TRIM69: variants seen among roughly 807,000 people sequenced by gnomAD.
TRIM69 encodes the protein tripartite motif containing 69, also known as E3 ubiquitin-protein ligase TRIM69.
Under a neutral mutation model 37.7 loss-of-function variants are expected in TRIM69, and 29 were observed. That is an observed-to-expected ratio of 0.77 (90% CI 0.57 to 1.05). The LOEUF (loss-of-function observed/expected upper bound fraction) is 1.05. Among genes scored for constraint, TRIM69 ranks in the 50% least tolerant of loss-of-function variants. TRIM69 has a pLI of 0.00. For synonymous variants in TRIM69, 209 were observed against 212.4 expected (o/e 0.98, Z 0.14); for missense variants, 596 against 579.9 (o/e 1.03, Z -0.28).
chr15:44,741,838 CA>C (rs1303075807), intron 1 of TRIM69, among the ~76,000 whole-genome samples: 2 of 151,224 alleles, frequency 1.3e-5, no homozygotes, highest in East Asian at 3.9e-4. Context: ...GCTTACCAAC[CA>C]AAAAGAGTCC....
At position 44,758,673 on chromosome 15, in the gene TRIM69, A is replaced by T. The variant is rs781021307; in HGVS notation, c.632A>T (p.His211Leu). Residue 211 changes from histidine (H) to leucine (L), a missense_variant, in exon 4 of 7, where the codon CAT becomes CTT. Physicochemically the swap from His to Leu is moderately conservative, Grantham distance 99. Transcript: ENST00000329464. ...QHVSMEFLKL[H>L]QFLHSKEKDI... ...GTGTCCATGGAGTTTCTAAAGCTGC[A>T]TCAGTTCCTGCACAGCAAAGAAAAG... 1 of 1,614,194 alleles carries T rather than the reference A, an allele frequency of 6.2e-7. No individual in the cohort carries two copies. Among genetic ancestry groups the T allele is most frequent in the South Asian group, 1.1e-5 (1 of 91,078 alleles).
intron 1 of TRIM69, among the ~76,000 whole-genome samples, chr15:44,741,288 A>G (rs1323371313): frequency 1.3e-5 from 2 of 152,304 alleles, no homozygotes; most frequent in East Asian, 3.9e-4. Flanking sequence ...GACACAACAT[A>G]CCAGAATCTC....
chr15:44,765,038 A>G (rs750337722), intron 6 of TRIM69, among the ~76,000 whole-genome samples: 1 of 152,242 alleles, frequency 6.6e-6, no homozygotes, highest in Non-Finnish European at 1.5e-5. Flanking sequence ...GATCTCATTC[A>G]TGATATGTGT....
intron 6 of TRIM69, among the ~76,000 whole-genome samples, chr15:44,766,549 T>C (rs527320294): frequency 6.6e-6 from 1 of 152,044 alleles, no homozygotes; most frequent in African/African-American, 2.4e-5. Flanking sequence ...TATATACAAC[T>C]GAATACTTAC....
rs768106475 is a variant in TRIM69, at chr15:44,759,880, T to G, written c.961+8T>G. ...AGGACACTCTCTGCCCAGGTATCAGTGGGTAGTAACTATTGGTTCTTGAGG... is the reference window on the plus strand; with the variant it reads ...AGGACACTCTCTGCCCAGGTATCAGGGGGTAGTAACTATTGGTTCTTGAGG... On this transcript the variant is annotated splice_region_variant and intron_variant, in intron 6 of 6. Coordinates refer to ENST00000329464, the MANE Select transcript of TRIM69 (RefSeq NM_182985.5). 5.6e-6 allele frequency: 9 copies of G among 1,607,916 alleles called. No homozygotes were observed. The highest frequency in any genetic ancestry group is 7.7e-6 in the Non-Finnish European group (9 of 1,175,320).
intron 1 of TRIM69, among the ~76,000 whole-genome samples, chr15:44,747,273 C>CT (rs202103063): frequency 0.015 from 2,324 of 152,224 alleles, 50 homozygotes; most frequent in African/African-American, 0.051. Flanking sequence ...GAGAGAGACT[C>CT]TGCATTGCAA....
chr15:44,739,199 G>T (rs982241769), intron 1 of TRIM69, among the ~76,000 whole-genome samples: 16 of 152,186 alleles, frequency 1.1e-4, no homozygotes, highest in Non-Finnish European at 7.4e-5. Flanking sequence ...CCCTGCCTTG[G>T]TAACCGCTAT....
intron 1 of TRIM69, among the ~76,000 whole-genome samples, chr15:44,739,148 A>T (rs2087223955): frequency 6.6e-6 from 1 of 152,202 alleles, no homozygotes; most frequent in Non-Finnish European, 1.5e-5. Flanking sequence ...TCCCCAAAAG[A>T]AATTCCATAC....
chr15:44,741,895 G>A (rs2087295546), intron 1 of TRIM69, among the ~76,000 whole-genome samples: 1 of 152,194 alleles, frequency 6.6e-6, no homozygotes, highest in South Asian at 2.1e-4. Flanking sequence ...GGTACAAGGA[G>A]GAACTGGTAC....
chr15:44,756,681 T>C (rs974067457), intron 3 of TRIM69: 16 of 409,038 alleles, frequency 3.9e-5, no homozygotes, highest in African/African-American at 3.0e-4. Context: ...TTTCCCCTAA[T>C]ATGCTGATCT....
chr15:44,736,712 T>C lies in TRIM69; in HGVS notation c.6+2T>C, dbSNP rs1310572285. On this transcript the variant is annotated splice_donor_variant, in intron 1 of 6. Transcript: ENST00000329464. LOFTEE classifies it low-confidence loss of function (ANC_ALLELE). Reference sequence around the variant, plus strand: ...TTGGTGGGCTGAAGCTTCATGGAGGTGAGTGACCCTTTTTTTTTTTAACTT... The same window carrying C: ...TTGGTGGGCTGAAGCTTCATGGAGGCGAGTGACCCTTTTTTTTTTTAACTT... 2 of 1,557,574 alleles carry C rather than the reference T, an allele frequency of 1.3e-6. No homozygotes were observed. Among genetic ancestry groups the C allele is most frequent in the Non-Finnish European group, 1.7e-6 (2 of 1,157,598 alleles).
chr15:44,747,415 C>A (rs1440125630), intron 1 of TRIM69, among the ~76,000 whole-genome samples: 1 of 152,116 alleles, frequency 6.6e-6, no homozygotes, highest in East Asian at 1.9e-4. Context: ...TCAGGAAGAA[C>A]TCACCTCATT....
chr15:44,756,609 G>T (rs1031453546), intron 3 of TRIM69, 146 bp downstream of exon 3: 2 of 585,220 alleles, frequency 3.4e-6, no homozygotes, highest in East Asian at 2.8e-5. Flanking sequence ...GAGTCTGTAG[G>T]GTGGAAAGGA....
chr15:44,750,752 T>C (rs1408906705), intron 1 of TRIM69, among the ~76,000 whole-genome samples: 1 of 108,178 alleles, frequency 9.2e-6, no homozygotes, highest in African/African-American at 3.7e-5. Flanking sequence ...TGAGACGGAG[T>C]CTCACTCTGT....
At chr15:44,756,523 C>T in intron 3 of TRIM69, 60 bp downstream of exon 3, 2 of 1,163,072 alleles carry the variant, frequency 1.7e-6, no homozygotes, top group Non-Finnish European at 2.5e-6. Context: ...CATGTAACTT[C>T]AGCTATGGGT....
At position 44,750,709 on chromosome 15, in the gene TRIM69, C is replaced by T. The variant is rs6493123; in HGVS notation, c.7-4191C>T. ...AAAGAATCGCATTTTTATTTCATTA[C>T]TTTTTCTTTTTTTTTTTTTTTTTTT... On this transcript the variant is annotated intron_variant, in intron 1 of 6. Coordinates refer to ENST00000329464, the MANE Select transcript of TRIM69 (RefSeq NM_182985.5). Among the ~76,000 whole-genome samples, 45 of 123,020 alleles carry T rather than the reference C, an allele frequency of 3.7e-4. 1 individual carries two copies. The highest frequency in any genetic ancestry group is 6.3e-4 in the African/African-American group (20 of 31,576). 80.7% of individuals were successfully genotyped at this position (123,020 alleles called of 152,430 possible).
At chr15:44,745,369 A>G (rs1251890781) in intron 1 of TRIM69, among the ~76,000 whole-genome samples, 1 of 152,216 alleles carries the variant, frequency 6.6e-6, no homozygotes, top group Admixed American at 6.5e-5. Flanking sequence ...AAATTTGTTT[A>G]GAAAAGTCAC....
intron 1 of TRIM69, among the ~76,000 whole-genome samples, chr15:44,742,984 C>T (rs902373203): frequency 2.0e-5 from 3 of 151,374 alleles, no homozygotes; most frequent in African/African-American, 7.3e-5. Context: ...CATATGGAAC[C>T]AAAAAAGAGC....
At chr15:44,736,739 G>A (rs760573139) in intron 1 of TRIM69, 29 bp downstream of exon 1, 1 of 1,603,758 alleles carries the variant, frequency 6.2e-7, no homozygotes. Flanking sequence ...TTTTAACTTA[G>A]CAGGGCTTCT....
Sources: gnomAD v4.1 joint callset for allele counts (sites outside exome capture counted in the v4.1 genomes callset) on GRCh38, gnomAD v4.1.1 for gene constraint, MANE v1.5 for transcripts, NCBI Gene and HGNC (gene_info 2026-07-23, HGNC 2026-07-21) for gene names.